The following ESR1 variants were observed in gnomAD, a reference collection of about 807,000 sequenced individuals.
ESR1 encodes estrogen receptor 1.
A neutral mutation model predicts 52.7 loss-of-function variants in ESR1; 12 were observed. That is an observed-to-expected ratio of 0.23 (90% CI 0.15 to 0.37). The LOEUF (loss-of-function observed/expected upper bound fraction) is 0.37, where lower values mean the gene tolerates loss of function less well. Ranked by LOEUF, ESR1 falls within the 10% of genes least tolerant of loss-of-function variation. The pLI is 1.00. For synonymous variants in ESR1, 305 were observed against 316.8 expected (o/e 0.96, Z 0.39); for missense variants, 584 against 779.7 (o/e 0.75, Z 2.99).
intron 2 of ESR1, among the ~76,000 whole-genome samples, chr6:151,718,987 G>T (rs899430901): frequency 6.6e-6 from 1 of 152,132 alleles, no homozygotes; most frequent in African/African-American, 2.4e-5. Flanking sequence ...CCCCTATCTT[G>T]GTAGTTCCTC....
chr6:152,018,866 T>TAACTGC (rs1223503221), intron 5 of ESR1, among the ~76,000 whole-genome samples: 1 of 152,164 alleles, frequency 6.6e-6, no homozygotes, highest in East Asian at 1.9e-4. Flanking sequence ...AACACTTACT[T>TAACTGC]AACTGCTTTA....
intron 6 of ESR1, among the ~76,000 whole-genome samples, chr6:152,111,210 A>G (rs2051128465): frequency 6.6e-6 from 1 of 152,206 alleles, no homozygotes; most frequent in South Asian, 2.1e-4. Context: ...GAACTGACAA[A>G]CTAGGAACTG....
intron 6 of ESR1, among the ~76,000 whole-genome samples, chr6:152,085,442 T>A (rs575003841): frequency 6.6e-6 from 1 of 152,306 alleles, no homozygotes; most frequent in South Asian, 2.1e-4. Context: ...TAAATTTGGA[T>A]AAGACACAGA....
chr6:151,878,002 A>G (rs146852079), intron 2 of ESR1, among the ~76,000 whole-genome samples: 289 of 151,154 alleles, frequency 1.9e-3, no homozygotes, highest in Non-Finnish European at 3.0e-3. Context: ...TTTTGTAGAG[A>G]CAAGATATTG....
intron 3 of ESR1, among the ~76,000 whole-genome samples, chr6:151,899,838 TGGCGGCCGG>T (rs1796388242): frequency 1.4e-5 from 2 of 147,832 alleles, no homozygotes; most frequent in South Asian, 4.3e-4. Context: ...CTAGATGGGA[TGGCGGCCGG>T]GAAGAGGCGC....
Position 151,807,870 on chromosome 6 carries a change from C to T in ESR1, c.-43C>T, listed in dbSNP as rs1237351563. 1 of 1,571,328 alleles carries T rather than the reference C, an allele frequency of 6.4e-7. No individual in the cohort carries two copies. Among genetic ancestry groups the T allele is most frequent in the Admixed American group, 1.7e-5 (1 of 59,592 alleles). ...GGCCCGCCGGTTTCTGAGCCTTCTG[C>T]CCTGCGGGGACACGGTCTGCACCCT... On this transcript the variant is annotated 5_prime_UTR_variant, in exon 1 of 8. Coordinates refer to ENST00000206249, the MANE Select transcript of ESR1 (RefSeq NM_000125.4).
upstream of ESR1, among the ~76,000 whole-genome samples, chr6:151,802,052 A>G (rs1247114373): frequency 6.6e-6 from 1 of 152,154 alleles, no homozygotes; most frequent in Non-Finnish European, 1.5e-5. Flanking sequence ...TGATGGAAAT[A>G]CTCTATACTT....
At chr6:151,861,409 T>C (rs1327996520) in intron 2 of ESR1, among the ~76,000 whole-genome samples, 1 of 152,220 alleles carries the variant, frequency 6.6e-6, no homozygotes, top group Non-Finnish European at 1.5e-5. Context: ...TCTTGAAATA[T>C]ATTCTGTTAA....
chr6:152,117,163 C>T lies in ESR1; in HGVS notation c.851-8103C>T, dbSNP rs73625123. Among the ~76,000 whole-genome samples, 551 of 152,322 alleles carry T rather than the reference C, an allele frequency of 3.6e-3. 1 individual carries two copies. The highest frequency in any genetic ancestry group is 0.02 in the Middle Eastern group (6 of 294). On this transcript the variant is annotated intron_variant, in intron 6 of 6. Coordinates refer to the ESR1 transcript ENST00000427531. ...TACATCCCTACAGTGTCCACTCAAC[C>T]TGTAAATCCCACAAGGAGGTGTGGG...
chr6:151,962,763 C>A (rs891221303), intron 4 of ESR1, among the ~76,000 whole-genome samples: 1 of 152,126 alleles, frequency 6.6e-6, no homozygotes, highest in African/African-American at 2.4e-5. Context: ...TGGACCCTTT[C>A]AAGTTGGTTT....
chr6:152,036,291 C>A (rs992166315), intron 5 of ESR1, among the ~76,000 whole-genome samples: 1 of 152,028 alleles, frequency 6.6e-6, no homozygotes, highest in Admixed American at 6.6e-5. Context: ...ACCTGGGAGG[C>A]GGAGCTTGCA....
chr6:151,837,875 C>T (rs1206184995), intron 1 of ESR1, among the ~76,000 whole-genome samples: 1 of 152,124 alleles, frequency 6.6e-6, no homozygotes, highest in Admixed American at 6.5e-5. Context: ...TAAACCTTCA[C>T]TTATAATAAA....
At chr6:151,838,717 A>G (rs1783803843) in intron 1 of ESR1, among the ~76,000 whole-genome samples, 1 of 152,140 alleles carries the variant, frequency 6.6e-6, no homozygotes, top group Non-Finnish European at 1.5e-5. Context: ...ATAATTGACA[A>G]TGTTATTTAC....
intron 2 of ESR1, among the ~76,000 whole-genome samples, chr6:151,724,269 A>G (rs1401940622): frequency 2.0e-5 from 3 of 152,148 alleles, no homozygotes; most frequent in Non-Finnish European, 4.4e-5. Flanking sequence ...AGAGAGGGGT[A>G]AATGACTCCC....
chr6:152,067,087 G>A (rs1441973695), intron 6 of ESR1, among the ~76,000 whole-genome samples: 1 of 152,124 alleles, frequency 6.6e-6, no homozygotes, highest in Non-Finnish European at 1.5e-5. Context: ...ATAAATCCCT[G>A]CCTGGAAATT....
At chr6:151,739,728 C>T (rs1782939216) in intron 2 of ESR1, among the ~76,000 whole-genome samples, 1 of 152,178 alleles carries the variant, frequency 6.6e-6, no homozygotes, top group South Asian at 2.1e-4. Context: ...ATCTTGTTGG[C>T]CCCATTGTGT....
chr6:151,915,287 AG>A (rs1473393237), intron 3 of ESR1, among the ~76,000 whole-genome samples: 3 of 152,292 alleles, frequency 2.0e-5, no homozygotes, highest in Admixed American at 2.0e-4. Context: ...TTCATTACCA[AG>A]AATGCATGGA....
downstream of ESR1, among the ~76,000 whole-genome samples, chr6:152,107,175 A>C (rs1325436526): frequency 1.3e-5 from 2 of 152,020 alleles, no homozygotes; most frequent in Non-Finnish European, 2.9e-5. Flanking sequence ...TGTTTTTTCA[A>C]ATAATGTTTT....
intron 2 of ESR1, among the ~76,000 whole-genome samples, chr6:151,703,127 G>A (rs1205997587): frequency 1.3e-5 from 2 of 152,212 alleles, no homozygotes; most frequent in Non-Finnish European, 2.9e-5. Flanking sequence ...ATTACTCAGC[G>A]TGGTAATTTC....
Sources: allele counts gnomAD v4.1 joint callset (sites outside exome capture counted in the v4.1 genomes callset), GRCh38; gene constraint gnomAD v4.1.1; transcripts MANE v1.5; gene names NCBI Gene and HGNC (gene_info 2026-07-23, HGNC 2026-07-21).